Variants in ADGRV1 observed in about 807,000 individuals in gnomAD.
ADGRV1 encodes the protein adhesion G protein-coupled receptor V1.
ADGRV1 carries 359 observed loss-of-function variants against 596.2 expected under a neutral mutation model. The ratio of observed to expected loss-of-function variants is 0.60; its 90% confidence interval spans 0.55 to 0.66. ADGRV1 has a LOEUF of 0.66. Among genes scored for constraint, ADGRV1 ranks in the 30% least tolerant of loss-of-function variants. The pLI is 0.00. For synonymous variants in ADGRV1, 2,681 were observed against 2,679.2 expected, an observed-to-expected ratio of 1.00 and a Z score of -0.02; for missense variants, 7,274 against 7,575.6, an observed-to-expected ratio of 0.96 and a Z score of 1.48.
chr5:91,029,575 T>G (rs1784314515), intron 85 of ADGRV1, among the ~76,000 whole-genome samples: 1 of 152,156 alleles, frequency 6.6e-6, no homozygotes, highest in South Asian at 2.1e-4. Context: ...TTGCAACAAT[T>G]TAAACATAAC....
intron 23 of ADGRV1, 105 bp downstream of exon 23, chr5:90,674,339 T>A: frequency 1.5e-6 from 1 of 677,820 alleles, no homozygotes; most frequent in Non-Finnish European, 2.3e-6. Context: ...GTAGAATGCC[T>A]TCAGACCTCC....
intron 45 of ADGRV1, among the ~76,000 whole-genome samples, chr5:90,721,515 A>T (rs200796306): frequency 0.042 from 1,832 of 43,568 alleles, 98 homozygotes; most frequent in Admixed American, 0.076. Flanking sequence ...AAAATAAAAT[A>T]AAATAAAATA....
At chr5:90,928,618 T>G (rs1774796088) in intron 83 of ADGRV1, among the ~76,000 whole-genome samples, 1 of 150,466 alleles carries the variant, frequency 6.6e-6, no homozygotes, top group African/African-American at 2.5e-5. Context: ...GTCTGAAGCC[T>G]TCTTCTCTCA....
chr5:91,088,986 G>A (rs1173931692), intron 86 of ADGRV1, among the ~76,000 whole-genome samples: 3 of 151,728 alleles, frequency 2.0e-5, no homozygotes, highest in African/African-American at 7.3e-5. Flanking sequence ...GAACACCATT[G>A]TTTCCCTTTT....
At chr5:90,886,270 C>T (rs949089903) in intron 83 of ADGRV1, among the ~76,000 whole-genome samples, 1 of 152,172 alleles carries the variant, frequency 6.6e-6, no homozygotes, top group Non-Finnish European at 1.5e-5. Context: ...AGATCACCCA[C>T]TCCTGGTTGG....
At chr5:90,767,547 GA>G (rs1314422344) in intron 59 of ADGRV1, among the ~76,000 whole-genome samples, 7 of 152,090 alleles carry the variant, frequency 4.6e-5, no homozygotes, top group Non-Finnish European at 1.0e-4. Context: ...ATATACAGCA[GA>G]TATAGAAAGT....
At chr5:90,559,927 C>CAAA (rs1754589567) in intron 1 of ADGRV1, among the ~76,000 whole-genome samples, 2 of 152,200 alleles carry the variant, frequency 1.3e-5, no homozygotes, top group Admixed American at 1.3e-4. Flanking sequence ...AAAATGATAT[C>CAAA]TTAGGCAGGA....
At chr5:90,896,347 T>G (rs1158104034) in intron 83 of ADGRV1, among the ~76,000 whole-genome samples, 1 of 137,462 alleles carries the variant, frequency 7.3e-6, no homozygotes, top group Non-Finnish European at 1.5e-5. Flanking sequence ...TGCAGCTTAC[T>G]GTGGCCTCAA....
intron 50 of ADGRV1, among the ~76,000 whole-genome samples, chr5:90,743,557 C>T (rs1049973986): frequency 3.4e-5 from 5 of 147,432 alleles, no homozygotes; most frequent in African/African-American, 1.0e-4. Flanking sequence ...CTGCAAGCTT[C>T]GCCCCCTGGG....
chr5:91,003,293 TTTC>T (rs1781994527), intron 85 of ADGRV1, among the ~76,000 whole-genome samples: 1 of 152,192 alleles, frequency 6.6e-6, no homozygotes, highest in African/African-American at 2.4e-5. Flanking sequence ...AGGTAACTTG[TTTC>T]TTCTTGGGAA....
chr5:90,857,812 T>C (rs1213590117), intron 82 of ADGRV1, among the ~76,000 whole-genome samples: 1 of 152,200 alleles, frequency 6.6e-6, no homozygotes, highest in Non-Finnish European at 1.5e-5. Context: ...ATTCTTTATA[T>C]ATCTTATATA....
At chr5:90,920,411 C>A (rs977333010) in intron 83 of ADGRV1, among the ~76,000 whole-genome samples, 2 of 152,068 alleles carry the variant, frequency 1.3e-5, no homozygotes, top group African/African-American at 4.8e-5. Context: ...AACAAATACT[C>A]TTTTGAAAAT....
chr5:90,686,840 A>G (rs1445671397), intron 29 of ADGRV1, among the ~76,000 whole-genome samples: 2 of 152,064 alleles, frequency 1.3e-5, no homozygotes, highest in Non-Finnish European at 2.9e-5. Flanking sequence ...AACAGTGTAA[A>G]AGTGTTCCTA....
intron 72 of ADGRV1, 106 bp downstream of exon 72, chr5:90,805,564 C>A: frequency 1.1e-6 from 1 of 913,950 alleles, no homozygotes; most frequent in Non-Finnish European, 1.6e-6. Context: ...ATGTAGTTTT[C>A]GAATACAATG....
In ADGRV1 at chr5:90,802,621, T is replaced by G; in HGVS notation, c.14518-118T>G. 3.8e-6 allele frequency: 3 copies of G among 783,476 alleles called. No individual in the cohort carries two copies. In the South Asian group the frequency reaches 5.2e-5, roughly 14 times the overall value. The allele number at this position is 783,476 out of a possible 1,614,324, so 48.5% of individuals were successfully genotyped here. ...GTTTTGTGATGGGGAAAAGTGCATG[T>G]ATTGATGAAACTGTTTGCTACTAAA... is the stretch of plus-strand genomic sequence containing the variant. On this transcript the variant is annotated intron_variant, in intron 70 of 89. Transcript: ENST00000405460.
At chr5:90,687,288 T>C (rs1348967676) in intron 29 of ADGRV1, among the ~76,000 whole-genome samples, 1 of 152,224 alleles carries the variant, frequency 6.6e-6, no homozygotes, top group East Asian at 1.9e-4. Flanking sequence ...TCCTTGCCCA[T>C]GCCTATGTCC....
intron 70 of ADGRV1, chr5:90,792,291 A>T (rs1273582054): frequency 2.6e-5 from 4 of 152,220 alleles, no homozygotes; most frequent in South Asian, 4.1e-4. Flanking sequence ...GAGGTGTGTT[A>T]TTCAGCCAGT....
chr5:90,903,421 T>G (rs994956771), intron 83 of ADGRV1, among the ~76,000 whole-genome samples: 1 of 152,040 alleles, frequency 6.6e-6, no homozygotes, highest in Non-Finnish European at 1.5e-5. Flanking sequence ...ATGGGACAAT[T>G]ATACTAGTCC....
chr5:90,840,203 A>G (rs1765312890), intron 77 of ADGRV1, among the ~76,000 whole-genome samples: 1 of 151,826 alleles, frequency 6.6e-6, no homozygotes, highest in African/African-American at 2.4e-5. Context: ...CAAAATTTCT[A>G]TGTGACAGTG....
Sources: gnomAD v4.1 joint callset for allele counts (sites outside exome capture counted in the v4.1 genomes callset) on GRCh38, gnomAD v4.1.1 for gene constraint, MANE v1.5 for transcripts, NCBI Gene and HGNC (gene_info 2026-07-23, HGNC 2026-07-21) for gene names.